Variants in TTLL6 observed in about 807,000 individuals in gnomAD.
The protein encoded by TTLL6 is tubulin polyglutamylase TTLL6.
A neutral mutation model predicts 96.4 loss-of-function variants in TTLL6; 75 were observed. The observed-to-expected ratio is 0.78, with a 90% CI of 0.65 to 0.94. The LOEUF (loss-of-function observed/expected upper bound fraction) is 0.94, where lower values mean the gene tolerates loss of function less well. Ranked by LOEUF, TTLL6 falls within the 40% of genes least tolerant of loss-of-function variation. TTLL6 has a pLI of 0.00. For synonymous variants in TTLL6, 411 were observed against 419.4 expected (o/e 0.98, Z 0.24); for missense variants, 1,030 against 1,093.0 (o/e 0.94, Z 0.81).
At position 48,789,918 on chromosome 17, in the gene TTLL6, A is replaced by G. The variant is rs1020694066; in HGVS notation, c.1400+13T>C. 1.2e-6 allele frequency: 2 copies of G among 1,613,188 alleles called. No homozygotes were observed. The highest frequency in any genetic ancestry group is 1.7e-6 in the Non-Finnish European group (2 of 1,179,548). On this transcript the variant is annotated intron_variant, in intron 10 of 15. Coordinates refer to ENST00000393382, the MANE Select transcript of TTLL6 (RefSeq NM_001130918.3). ...GAGAGAGAGCCCCGCAAGGCTGGGG[A>G]GTGCGAATGTACCTCATCTCCCGAG... is the stretch of plus-strand genomic sequence containing the variant.
chr17:48,765,747 C>G (rs1451751736), intron 15 of TTLL6: 1 of 152,514 alleles, frequency 6.6e-6, no homozygotes, highest in Non-Finnish European at 1.5e-5. Flanking sequence ...GATACTTGAT[C>G]AGGGTAGCGC....
At chr17:48,799,894 T>C in intron 5 of TTLL6, 134 bp from the exon 6 acceptor site, 1 of 774,432 alleles carries the variant, frequency 1.3e-6, no homozygotes, top group Admixed American at 2.7e-5. Context: ...TGCCCAGAGG[T>C]CCAGCAATGG....
intron 1 of TTLL6, among the ~76,000 whole-genome samples, chr17:48,808,243 AATATT>A (rs1220765167): frequency 5.9e-5 from 9 of 152,212 alleles, no homozygotes; most frequent in African/African-American, 2.2e-4. Context: ...TGCCAATTTT[AATATT>A]ATACAAATAG....
intron 8 of TTLL6, among the ~76,000 whole-genome samples, chr17:48,795,484 G>C (rs886216724): frequency 6.6e-6 from 1 of 151,944 alleles, no homozygotes; most frequent in African/African-American, 2.4e-5. Flanking sequence ...TCAGTCCCCC[G>C]TTTTCTTAAA....
intron 11 of TTLL6, 121 bp downstream of exon 11, chr17:48,787,690 C>A: frequency 1.0e-6 from 1 of 997,480 alleles, no homozygotes. Flanking sequence ...GCCACGGCGC[C>A]TGGTTGCTCT....
chr17:48,796,434 A>C (rs968009062), intron 7 of TTLL6, among the ~76,000 whole-genome samples: 1 of 152,166 alleles, frequency 6.6e-6, no homozygotes, highest in Admixed American at 6.5e-5. Context: ...AGCCTGACCA[A>C]CATGGTGAAA....
At chr17:48,804,301 G>A in intron 2 of TTLL6, 1 of 493,058 alleles carries the variant, frequency 2.0e-6, no homozygotes, top group South Asian at 1.5e-5. Flanking sequence ...CCCATTAAGG[G>A]AAGCTATGAA....
intron 3 of TTLL6, among the ~76,000 whole-genome samples, chr17:48,803,420 T>TA (rs1410175323): frequency 6.8e-6 from 1 of 147,446 alleles, no homozygotes. Flanking sequence ...CACTTAAACC[T>TA]AGGAGGTAGA....
At position 48,787,435 on chromosome 17, in the gene TTLL6, C is replaced by A. The variant is rs544680520; in HGVS notation, c.1589+376G>T. Among the ~76,000 whole-genome samples, 11 of 152,186 alleles carry A rather than the reference C, an allele frequency of 7.2e-5. No individual in the cohort carries two copies. The South Asian group carries it at 1.0e-3, about 14-fold the overall frequency. Reference sequence around the variant, plus strand: ...AGACAAGGTCTGACACTGACACCCACGCTGGAGTGCAGGGGTGCAATCACA... The same window carrying A: ...AGACAAGGTCTGACACTGACACCCAAGCTGGAGTGCAGGGGTGCAATCACA... On this transcript the variant is annotated intron_variant, in intron 11 of 15. Coordinates refer to ENST00000393382, the MANE Select transcript of TTLL6 (RefSeq NM_001130918.3).
chr17:48,768,001 T>C (rs944932311), intron 15 of TTLL6, among the ~76,000 whole-genome samples: 25 of 152,198 alleles, frequency 1.6e-4, no homozygotes, highest in African/African-American at 6.0e-4. Flanking sequence ...TCTCCATATA[T>C]GACTATCTCA....
chr17:48,806,930 T>TGA (rs2039513963), intron 1 of TTLL6, among the ~76,000 whole-genome samples: 1 of 151,370 alleles, frequency 6.6e-6, no homozygotes, highest in South Asian at 2.1e-4. Context: ...CTCGGCAGGC[T>TGA]GAGGCAGGAG....
At position 48,765,326 on chromosome 17, in the gene TTLL6, C is replaced by T. The variant is rs149162558; in HGVS notation, c.*1-2353G>A. Among the ~76,000 whole-genome samples, 67 of 152,156 alleles carry T rather than the reference C, an allele frequency of 4.4e-4. 1 individual carries two copies. In the East Asian group the frequency reaches 0.012, roughly 26 times the overall value. Reference sequence around the variant, plus strand: ...ACATGGGAGGCTGAGGCAGGAGGATCGTTTGAGCCCTGGAGTTTGAGATTA... The same window carrying T: ...ACATGGGAGGCTGAGGCAGGAGGATTGTTTGAGCCCTGGAGTTTGAGATTA... On this transcript the variant is annotated intron_variant, in intron 15 of 15. Transcript: ENST00000393382.
Position 48,804,768 on chromosome 17 carries a change from T to C in TTLL6, c.323+4A>G. ...CTCCCCATTCCCCAGCTTTCAATCC[T>C]AACCTCTTTTTCTTCCTCTTCTTCT... On this transcript the variant is annotated splice_donor_region_variant and intron_variant, in intron 2 of 15. Transcript: ENST00000393382. The C allele has an allele frequency of 6.4e-7, 1 of 1,551,974 alleles. No homozygotes were observed. The highest frequency in any genetic ancestry group is 8.7e-7 in the Non-Finnish European group (1 of 1,146,958).
chr17:48,801,242 G>T lies in TTLL6; in HGVS notation c.611+13C>A. The T allele has an allele frequency of 6.5e-7, 1 of 1,550,318 alleles. No individual in the cohort carries two copies. The highest frequency in any genetic ancestry group is 1.2e-5 in the South Asian group (1 of 84,026). On this transcript the variant is annotated intron_variant, in intron 5 of 15. Coordinates refer to ENST00000393382, the MANE Select transcript of TTLL6 (RefSeq NM_001130918.3). ...GGGAGTGGAGAAGGAAGTACAGGGC[G>T]GGGGGCACTCACTCAGCAGGAAGAC...
intron 13 of TTLL6, among the ~76,000 whole-genome samples, chr17:48,777,011 G>GACAC (rs71369215): frequency 0.078 from 11,065 of 141,342 alleles, 642 homozygotes; most frequent in African/African-American, 0.17. Flanking sequence ...CATAAGGATA[G>GACAC]ACACACACAC....
intron 13 of TTLL6, among the ~76,000 whole-genome samples, chr17:48,777,672 A>C (rs1256454724): frequency 6.6e-6 from 1 of 152,072 alleles, no homozygotes; most frequent in Non-Finnish European, 1.5e-5. Context: ...CAGAAGTTGC[A>C]ATGAGCTGAG....
chr17:48,786,501 G>A (rs375813661), intron 11 of TTLL6, among the ~76,000 whole-genome samples, 166 bp from the exon 12 acceptor site: 12 of 152,362 alleles, frequency 7.9e-5, no homozygotes, highest in East Asian at 3.9e-4. Context: ...GGAGCAGGGT[G>A]TGGAGGAAAG....
chr17:48,769,112 TG>T lies in TTLL6; in HGVS notation c.2552del (p.Pro851GlnfsTer16). On this transcript the variant is annotated frameshift_variant, in exon 15 of 16. Coordinates refer to ENST00000393382, the MANE Select transcript of TTLL6 (RefSeq NM_001130918.3). LOFTEE classifies it high-confidence loss of function. Reference protein sequence around the residue: ...TLRDLLVIATPAQLDPRPCRS... With the variant: ...TLRDLLVIATXAQLDPRPCRS... ...TACAAGGCCTTGGATCCAGTTGGGCTGGAGTGGCAATCACCAGCAGGTCCCT... is the reference window on the plus strand; with the variant it reads ...TACAAGGCCTTGGATCCAGTTGGGCTGAGTGGCAATCACCAGCAGGTCCCT... 5 of 1,614,214 alleles carry T rather than the reference TG, an allele frequency of 3.1e-6. No homozygotes were observed. The highest frequency in any genetic ancestry group is 4.2e-6 in the Non-Finnish European group (5 of 1,180,036).
At position 48,769,006 on chromosome 17, in the gene TTLL6, C is replaced by T. The variant is rs149164998; in HGVS notation, c.2659G>A (p.Gly887Arg). The part of the protein sequence containing the change: ...YSHCLISGQK[G>R]CERS ...GGGCCTACCTAGCTCCTCTCACATC[C>T]TTTTTGGCCAGAGATCAGGCAATGG... Residue 887 changes from glycine (G) to arginine (R), a missense_variant, in exon 15 of 16, where the codon GGA (glycine) becomes AGA (arginine). By Grantham distance (125) the Gly-to-Arg change is moderately radical. Coordinates refer to ENST00000393382, the MANE Select transcript of TTLL6 (RefSeq NM_001130918.3). 1.2e-5 allele frequency: 19 copies of T among 1,614,098 alleles called. No homozygotes were observed. Among genetic ancestry groups the T allele is most frequent in the Non-Finnish European group, 1.6e-5 (19 of 1,179,970 alleles).
Sources: gnomAD v4.1 joint callset for allele counts (sites outside exome capture counted in the v4.1 genomes callset) on GRCh38, gnomAD v4.1.1 for gene constraint, MANE v1.5 for transcripts, NCBI Gene and HGNC (gene_info 2026-07-23, HGNC 2026-07-21) for gene names.